The following GRID1 variants were observed in gnomAD, a reference collection of about 807,000 sequenced individuals.
GRID1 encodes the protein glutamate ionotropic receptor delta type subunit 1, also known as glutamate receptor ionotropic, delta-1.
A neutral mutation model predicts 98.0 loss-of-function variants in GRID1; 28 were observed. The observed-to-expected ratio is 0.29, with a 90% CI of 0.21 to 0.39. The LOEUF (loss-of-function observed/expected upper bound fraction) is 0.39, where lower values mean the gene tolerates loss of function less well. Among genes scored for constraint, GRID1 ranks in the 10% least tolerant of loss-of-function variants. The pLI is 1.00. For missense variants in GRID1, 1,111 were observed against 1,340.5 expected, an observed-to-expected ratio of 0.83 and a Z score of 2.67; for synonymous variants, 553 against 538.5, an observed-to-expected ratio of 1.03 and a Z score of -0.37.
chr10:85,616,779 G>A (rs1290415600), intron 14 of GRID1, among the ~76,000 whole-genome samples: 1 of 152,078 alleles, frequency 6.6e-6, no homozygotes, highest in Non-Finnish European at 1.5e-5. Flanking sequence ...GAAGCCAGAG[G>A]GATAATAGCC....
intron 2 of GRID1, among the ~76,000 whole-genome samples, chr10:86,323,823 A>C (rs369262553): frequency 1.3e-5 from 2 of 152,250 alleles, no homozygotes; most frequent in East Asian, 1.9e-4. Flanking sequence ...TTTAAAAATG[A>C]ATCAAAGAAC....
At chr10:86,276,535 C>T (rs1311346770) in intron 2 of GRID1, among the ~76,000 whole-genome samples, 4 of 150,648 alleles carry the variant, frequency 2.7e-5, no homozygotes, top group African/African-American at 9.8e-5. Context: ...GGGGGTCTCA[C>T]TTTGTCACCC....
At chr10:85,736,141 G>T (rs548223138) in intron 8 of GRID1, among the ~76,000 whole-genome samples, 23 of 139,458 alleles carry the variant, frequency 1.6e-4, no homozygotes, top group African/African-American at 5.9e-4. Flanking sequence ...AGGAAGGAGA[G>T]AAGGAAGGAA....
chr10:85,999,148 G>A (rs186364809), intron 4 of GRID1, among the ~76,000 whole-genome samples: 23 of 151,306 alleles, frequency 1.5e-4, no homozygotes, highest in Admixed American at 1.5e-3. Flanking sequence ...GGAGGCAGAG[G>A]TTGCAGTGAG....
chr10:86,040,165 C>T (rs992891863), intron 4 of GRID1, among the ~76,000 whole-genome samples: 1 of 151,404 alleles, frequency 6.6e-6, no homozygotes, highest in African/African-American at 2.5e-5. Context: ...TGAGTATAGT[C>T]ATCATGAAAA....
intron 8 of GRID1, among the ~76,000 whole-genome samples, chr10:85,760,439 A>G (rs1056026814): frequency 1.3e-5 from 2 of 151,814 alleles, no homozygotes; most frequent in African/African-American, 4.8e-5. Context: ...TGTGTCTGTC[A>G]CTCCCCCTGG....
chr10:86,030,514 C>G (rs1265195684), intron 4 of GRID1, among the ~76,000 whole-genome samples: 1 of 152,232 alleles, frequency 6.6e-6, no homozygotes, highest in African/African-American at 2.4e-5. Context: ...CCAAATGGTG[C>G]TGCAGATAGA....
chr10:86,354,603 T>G (rs1589460303), intron 2 of GRID1, among the ~76,000 whole-genome samples: 1 of 152,338 alleles, frequency 6.6e-6, no homozygotes, highest in East Asian at 1.9e-4. Flanking sequence ...AGAGAGGGAA[T>G]GCGATCTGTT....
chr10:86,084,910 A>G (rs1844028700), intron 4 of GRID1, among the ~76,000 whole-genome samples: 1 of 152,168 alleles, frequency 6.6e-6, no homozygotes, highest in African/African-American at 2.4e-5. Context: ...TCATGGGTAC[A>G]AAGTTGCAGT....
At chr10:85,615,449 TC>T (rs1321510338) in intron 14 of GRID1, among the ~76,000 whole-genome samples, 2 of 152,190 alleles carry the variant, frequency 1.3e-5, no homozygotes, top group Non-Finnish European at 2.9e-5. Context: ...ACTAAGGCTG[TC>T]TGTTGTGTCA....
chr10:86,002,150 C>T (rs888537738), intron 4 of GRID1, among the ~76,000 whole-genome samples: 8 of 152,334 alleles, frequency 5.3e-5, no homozygotes, highest in African/African-American at 1.7e-4. Context: ...AAAGACCCTA[C>T]TGCCAAACAA....
At chr10:85,849,587 G>A (rs1843038921) in intron 8 of GRID1, among the ~76,000 whole-genome samples, 1 of 152,162 alleles carries the variant, frequency 6.6e-6, no homozygotes. Flanking sequence ...AGCAGAAAGT[G>A]AGCTGAAGAG....
chr10:85,602,845 C>A, intron 15 of GRID1, 144 bp from the exon 16 acceptor site: 1 of 618,124 alleles, frequency 1.6e-6, no homozygotes, highest in Non-Finnish European at 2.9e-6. Flanking sequence ...GCTCCCACCT[C>A]CCCTCAATTA....
intron 2 of GRID1, among the ~76,000 whole-genome samples, chr10:86,251,563 T>A (rs545220213): frequency 6.6e-6 from 1 of 152,110 alleles, no homozygotes; most frequent in Admixed American, 6.5e-5. Flanking sequence ...TCTGCTTGCC[T>A]CCCTAGAACA....
intron 5 of GRID1, among the ~76,000 whole-genome samples, chr10:85,915,341 C>G (rs1841599394): frequency 6.6e-6 from 1 of 152,108 alleles, no homozygotes; most frequent in South Asian, 2.1e-4. Flanking sequence ...CGTATACACA[C>G]TCATGCACAC....
At chr10:86,191,046 C>T (rs1249201872) in intron 3 of GRID1, among the ~76,000 whole-genome samples, 4 of 152,218 alleles carry the variant, frequency 2.6e-5, no homozygotes, top group African/African-American at 9.6e-5. Flanking sequence ...TCTGTCACCT[C>T]TAACCTAGTT....
chr10:86,276,435 T>C (rs980867948), intron 2 of GRID1, among the ~76,000 whole-genome samples: 3 of 152,142 alleles, frequency 2.0e-5, no homozygotes, highest in Non-Finnish European at 4.4e-5. Context: ...CATTCTGAAG[T>C]ACTGTGTGTC....
rs79549091 is a variant in GRID1, at chr10:85,689,337, G to T, written c.1997+33666C>A. ...TAGAATGAATTGCAAGGGAAAAATT[G>T]AAATTGCTCAAATGAATCCACATGG... On this transcript the variant is annotated intron_variant, in intron 12 of 15. Transcript: ENST00000327946. 4.7e-4 allele frequency among the ~76,000 whole-genome samples: 71 copies of T among 152,084 alleles called. No individual in the cohort carries two copies. The East Asian group carries it at 0.013, about 28-fold the overall frequency.
Position 85,773,565 on chromosome 10 carries a change from CT to C in GRID1, c.1234-43952del, listed in dbSNP as rs1436342836. On this transcript the variant is annotated intron_variant, in intron 8 of 15. Transcript: ENST00000327946. ...GTTTGCAGATGACATGATTGTATAT[CT>C]AGAAAACCCCATTGTCTCAGCCCAA... Among the ~76,000 whole-genome samples, 3 of 152,084 alleles carry C rather than the reference CT, an allele frequency of 2.0e-5. No homozygotes were observed. The East Asian group carries it at 5.8e-4, about 29-fold the overall frequency.
Sources: gnomAD v4.1 joint callset for allele counts (sites outside exome capture counted in the v4.1 genomes callset) on GRCh38, gnomAD v4.1.1 for gene constraint, MANE v1.5 for transcripts, NCBI Gene and HGNC (gene_info 2026-07-23, HGNC 2026-07-21) for gene names.